Variants in TBC1D5 observed in about 807,000 individuals in gnomAD.
TBC1D5 encodes the protein TBC1 domain family member 5, also known as TBC1 domain family, member 5.
TBC1D5 carries 75 observed loss-of-function variants against 100.3 expected under a neutral mutation model. The observed-to-expected ratio is 0.75, with a 90% CI of 0.62 to 0.91. The LOEUF (loss-of-function observed/expected upper bound fraction) is 0.91. TBC1D5 is among the 40% of genes least tolerant of loss of function. TBC1D5 has a pLI of 0.00. For missense variants in TBC1D5, 910 were observed against 942.4 expected (o/e 0.97, Z 0.45); for synonymous variants, 323 against 325.6 (o/e 0.99, Z 0.09).
intron 13 of TBC1D5, among the ~76,000 whole-genome samples, chr3:17,326,992 C>A (rs1251340621): frequency 6.6e-6 from 1 of 152,176 alleles, no homozygotes; most frequent in East Asian, 1.9e-4. Flanking sequence ...CAGAATCTAA[C>A]CACCTTTCAC....
intron 15 of TBC1D5, among the ~76,000 whole-genome samples, chr3:17,272,588 T>A (rs2079543482): frequency 6.6e-6 from 1 of 152,170 alleles, no homozygotes; most frequent in Admixed American, 6.5e-5. Flanking sequence ...CTCATTACCA[T>A]TTTATAGGTA....
intron 1 of TBC1D5, among the ~76,000 whole-genome samples, chr3:17,630,688 C>T (rs1390773608): frequency 6.6e-6 from 1 of 151,988 alleles, no homozygotes; most frequent in African/African-American, 2.4e-5. Context: ...GAATCGTATG[C>T]CTCTCATTTG....
At chr3:17,195,521 A>G (rs2125702248) in intron 18 of TBC1D5, among the ~76,000 whole-genome samples, 1 of 152,354 alleles carries the variant, frequency 6.6e-6, no homozygotes, top group Admixed American at 6.5e-5. Context: ...GAAGGGCCTG[A>G]GCCAAGACTG....
At chr3:17,258,696 A>G (rs2077984841) in intron 15 of TBC1D5, 105 bp from the exon 16 acceptor site, 1 of 814,532 alleles carries the variant, frequency 1.2e-6, no homozygotes, top group African/African-American at 1.8e-5. Context: ...AAGAATATGT[A>G]TAATATAAAG....
exon 1 of TBC1D5, chr3:17,740,802 T>C (rs1374621598): frequency 6.6e-6 from 1 of 152,214 alleles, no homozygotes. Flanking sequence ...AGGATTTTTT[T>C]CGCCTATATG....
intron 19 of TBC1D5, among the ~76,000 whole-genome samples, chr3:17,182,197 T>C (rs1018949862): frequency 1.3e-5 from 2 of 152,174 alleles, no homozygotes; most frequent in Admixed American, 1.3e-4. Flanking sequence ...AATGCATCTG[T>C]GGGCCGTGGA....
chr3:17,387,925 CAGAA>C (rs1349138473), intron 8 of TBC1D5, among the ~76,000 whole-genome samples: 1 of 151,492 alleles, frequency 6.6e-6, no homozygotes, highest in Non-Finnish European at 1.5e-5. Context: ...GAAAATAAAA[CAGAA>C]AGGAAAAAAA....
At chr3:17,233,914 A>T (rs2075647100) in intron 17 of TBC1D5, among the ~76,000 whole-genome samples, 164 bp from the exon 18 acceptor site, 1 of 152,152 alleles carries the variant, frequency 6.6e-6, no homozygotes, top group South Asian at 2.1e-4. Context: ...TTTCAAAGAA[A>T]ATAATCTTTA....
intron 1 of TBC1D5, among the ~76,000 whole-genome samples, chr3:17,737,811 A>G (rs947864556): frequency 2.1e-5 from 3 of 140,206 alleles, no homozygotes; most frequent in African/African-American, 5.0e-5. Flanking sequence ...AAAACTTTTA[A>G]GACTATTTTG....
At chr3:17,492,441 CTT>C (rs33930144) in intron 3 of TBC1D5, among the ~76,000 whole-genome samples, 53 of 146,396 alleles carry the variant, frequency 3.6e-4, no homozygotes, top group African/African-American at 1.3e-3. Context: ...ACATTTGCAA[CTT>C]TTTTTTTTTT....
In TBC1D5 at chr3:17,195,798, T is replaced by C. The variant is rs186786518; in HGVS notation, c.1753-10590A>G. Among the ~76,000 whole-genome samples the C allele has an allele frequency of 6.2e-4, 94 of 151,420 alleles. 1 individual carries two copies. The highest frequency in any genetic ancestry group is 1.1e-3 in the Admixed American group (16 of 15,218). ...CATAAACATTACCACTTCTGAGACT[T>C]CTGGAAAGAAAAAAAGGTGAGAAGG... On this transcript the variant is annotated intron_variant, in intron 18 of 21. Transcript: ENST00000253692.
At chr3:17,524,032 C>T (rs2096097128) in intron 2 of TBC1D5, among the ~76,000 whole-genome samples, 1 of 152,100 alleles carries the variant, frequency 6.6e-6, no homozygotes, top group Non-Finnish European at 1.5e-5. Context: ...ATCATCCCAA[C>T]CATCTAATAA....
intron 2 of TBC1D5, among the ~76,000 whole-genome samples, chr3:17,582,008 T>C (rs1361703248): frequency 1.3e-5 from 2 of 152,204 alleles, no homozygotes; most frequent in African/African-American, 4.8e-5. Flanking sequence ...CGGTGAGGCT[T>C]TCCTTGACCA....
upstream of TBC1D5, among the ~76,000 whole-genome samples, chr3:17,742,010 G>A (rs936733857): frequency 6.6e-6 from 1 of 151,970 alleles, no homozygotes; most frequent in Non-Finnish European, 1.5e-5. Context: ...GTGCTTCCCG[G>A]GGCCCAAATG....
chr3:17,705,851 C>A (rs2153904777), intron 1 of TBC1D5, among the ~76,000 whole-genome samples: 1 of 151,992 alleles, frequency 6.6e-6, no homozygotes, highest in Admixed American at 6.5e-5. Context: ...GGGGTGGCGG[C>A]CGGGCAGAGG....
intron 1 of TBC1D5, among the ~76,000 whole-genome samples, chr3:17,630,811 C>G (rs529356840): frequency 6.6e-6 from 1 of 150,402 alleles, no homozygotes; most frequent in South Asian, 2.1e-4. Flanking sequence ...TGAGATGGGC[C>G]GATCACGAGG....
intron 13 of TBC1D5, among the ~76,000 whole-genome samples, chr3:17,349,854 A>C (rs926836532): frequency 1.3e-5 from 2 of 152,180 alleles, no homozygotes; most frequent in African/African-American, 4.8e-5. Flanking sequence ...AATTAGGAAA[A>C]AAATGCATAT....
chr3:17,374,428 G>T, intron 12 of TBC1D5, 43 bp downstream of exon 12: 2 of 1,549,960 alleles, frequency 1.3e-6, no homozygotes, highest in Non-Finnish European at 1.8e-6. Context: ...GAAAGCATTT[G>T]CTCCATAGCA....
intron 1 of TBC1D5, among the ~76,000 whole-genome samples, chr3:17,653,245 T>C (rs896252199): frequency 6.6e-6 from 1 of 152,126 alleles, no homozygotes; most frequent in East Asian, 1.9e-4. Context: ...AGGTGGTAGA[T>C]TGCACAATTT....
Sources: gnomAD v4.1 joint callset for allele counts (sites outside exome capture counted in the v4.1 genomes callset) on GRCh38, gnomAD v4.1.1 for gene constraint, MANE v1.5 for transcripts, NCBI Gene and HGNC (gene_info 2026-07-23, HGNC 2026-07-21) for gene names.